The following SSC4D variants were observed in gnomAD, a reference collection of about 807,000 sequenced individuals.
SSC4D encodes scavenger receptor cysteine rich family member with 4 domains.
Under a neutral mutation model 63.4 loss-of-function variants are expected in SSC4D, and 57 were observed. The ratio of observed to expected loss-of-function variants is 0.90; its 90% CI spans 0.73 to 1.12. The LOEUF (loss-of-function observed/expected upper bound fraction) is 1.12. SSC4D is among the 50% of genes most tolerant of loss of function. The pLI, the probability that SSC4D is intolerant of heterozygous loss-of-function variation, is 0.00. For missense variants in SSC4D, 791 were observed against 806.4 expected (o/e 0.98, Z 0.23); for synonymous variants, 352 against 345.4 (o/e 1.02, Z -0.21).
rs372743563 is a variant in SSC4D at position 76,393,390 on chromosome 7, C to G, written c.1333+15G>C. 5 of 1,368,288 alleles carry G rather than the reference C, an allele frequency of 3.7e-6. No individual in the cohort carries two copies. Among genetic ancestry groups the G allele is most frequent in the Admixed American group, 3.3e-5 (1 of 30,090 alleles). 84.8% of individuals were successfully genotyped at this position (1,368,288 alleles called of 1,614,324 possible). A position where few individuals can be genotyped will look rare whatever the true frequency, so the allele number is the denominator to read the frequency against. On this transcript the variant is annotated intron_variant, in intron 9 of 10. Coordinates refer to ENST00000275560, the MANE Select transcript of SSC4D (RefSeq NM_080744.2). ...GCGGCCCCGCTGTCAGCCTCACCTTCGCTGTCAGCCTCACCTGCGCAGAGC... is the reference window on the plus strand; with the variant it reads ...GCGGCCCCGCTGTCAGCCTCACCTTGGCTGTCAGCCTCACCTGCGCAGAGC...
At chr7:76,405,339 C>CTTTT (rs1193527373) in intron 1 of SSC4D, among the ~76,000 whole-genome samples, 4 of 21,392 alleles carry the variant, frequency 1.9e-4, no homozygotes, top group South Asian at 2.3e-3. Flanking sequence ...TTCTTTCTTT[C>CTTTT]TTTTTTTTTT....
At chr7:76,402,494 T>G (rs1190679764) in intron 2 of SSC4D, among the ~76,000 whole-genome samples, 1 of 151,440 alleles carries the variant, frequency 6.6e-6, no homozygotes, top group Non-Finnish European at 1.5e-5. Context: ...ATTTTTTAAT[T>G]TTTTGTAGAG....
chr7:76,392,797 GA>G (rs1205333808), intron 9 of SSC4D, among the ~76,000 whole-genome samples: 196 of 139,138 alleles, frequency 1.4e-3, no homozygotes, highest in Non-Finnish European at 1.6e-3. Context: ...TGTCTCAAAA[GA>G]AAAAAAAAAA....
chr7:76,407,176 G>A (rs6958621), intron 1 of SSC4D, among the ~76,000 whole-genome samples: 64,255 of 151,816 alleles, frequency 0.42, 13,795 homozygotes, highest in South Asian at 0.53. Context: ...GACCTGGCTG[G>A]TCTGGAACTC....
intron 10 of SSC4D, among the ~76,000 whole-genome samples, chr7:76,391,584 ACCCCAGC>A (rs1804495551): frequency 6.6e-6 from 1 of 151,872 alleles, no homozygotes; most frequent in South Asian, 2.1e-4. Context: ...TAATCCCAGT[ACCCCAGC>A]CCCAGGCCGG....
intron 7 of SSC4D, among the ~76,000 whole-genome samples, chr7:76,394,799 A>T (rs1328144364): frequency 1.5e-4 from 15 of 99,852 alleles, no homozygotes; most frequent in South Asian, 1.0e-3. Flanking sequence ...GATATATATA[A>T]ATATATAAAA....
At chr7:76,403,957 C>T (rs1409165307) in intron 2 of SSC4D, among the ~76,000 whole-genome samples, 2 of 152,110 alleles carry the variant, frequency 1.3e-5, no homozygotes, top group African/African-American at 2.4e-5. Context: ...GTCACCGAGC[C>T]CGGCCTTCTT....
chr7:76,397,565 C>T lies in SSC4D; in HGVS notation c.821G>A (p.Gly274Asp). Residue 274 changes from glycine (G) to aspartate (D), a missense_variant, in exon 6 of 11, where the codon GGT (glycine) becomes GAT (aspartate). Coordinates refer to ENST00000275560, the MANE Select transcript of SSC4D (RefSeq NM_080744.2). ...RLAACQSLGW[G>D]VHNCGHHEDA... ...CTCGTGGTGGCCGCAGTTGTGCACACCCCAGCCCAGGCTCTGGCAGGCTGC... is the reference window on the plus strand; with the variant it reads ...CTCGTGGTGGCCGCAGTTGTGCACATCCCAGCCCAGGCTCTGGCAGGCTGC... 1 of 1,605,700 alleles carries T rather than the reference C, an allele frequency of 6.2e-7. No individual in the cohort carries two copies.
intron 6 of SSC4D, 92 bp downstream of exon 6, chr7:76,397,426 A>G: frequency 1.4e-6 from 2 of 1,399,548 alleles, no homozygotes; most frequent in East Asian, 2.6e-5. Context: ...CACCCTCCCC[A>G]TCCACCTCCC....
chr7:76,404,349 A>G lies in SSC4D; in HGVS notation c.91T>C (p.Phe31Leu). The change falls in exon 2 of 11, where the codon TTC (phenylalanine) becomes CTC (leucine). Residue 31 changes from phenylalanine to leucine, a missense_variant. Physicochemically the swap from Phe to Leu is conservative, Grantham distance 22 (BLOSUM62 0). Transcript: ENST00000275560. ...AGGAAAGACAGGGCTTGGGGGAGGA[A>G]GGGAGGGGCAGCACTCCCATCTCCC... ...RLGDGSAAPP[F>L]LPQALSFLLL... The G allele has an allele frequency of 6.2e-7, 1 of 1,612,782 alleles. No homozygotes were observed. Among genetic ancestry groups the G allele is most frequent in the Non-Finnish European group, 8.5e-7 (1 of 1,179,430 alleles).
At chr7:76,392,233 C>T (rs771625582) in intron 9 of SSC4D, among the ~76,000 whole-genome samples, 192 bp from the exon 10 acceptor site, 2 of 152,108 alleles carry the variant, frequency 1.3e-5, no homozygotes, top group Non-Finnish European at 2.9e-5. Flanking sequence ...GTGGCTCACA[C>T]CTGTAGTCCC....
rs1016665238 is a variant in SSC4D at position 76,401,091 on chromosome 7, C to T, written c.134-48G>A. On this transcript the variant is annotated intron_variant, in intron 2 of 10. Transcript: ENST00000275560. ...ATTGGCCCCTCTGCCCACACCATGG[C>T]TCCCTGGTCCCAGGAACACACCCCC... The T allele has an allele frequency of 4.0e-6, 6 of 1,496,030 alleles. No individual in the cohort carries two copies. In the African/African-American group the frequency reaches 8.5e-5, roughly 21 times the overall value. The allele number at this position is 1,496,030 out of a possible 1,614,324, so 92.7% of individuals were successfully genotyped here.
intron 7 of SSC4D, among the ~76,000 whole-genome samples, chr7:76,394,276 G>C (rs556352933): frequency 6.6e-6 from 1 of 152,010 alleles, no homozygotes; most frequent in African/African-American, 2.4e-5. Flanking sequence ...ACAGGGTCTT[G>C]CTCTGTCGCC....
In SSC4D at chr7:76,392,092, T is replaced by C. The variant is rs369809639; in HGVS notation, c.1334-51A>G. 128 of 1,537,146 alleles carry C rather than the reference T, an allele frequency of 8.3e-5. 1 individual carries two copies. In the African/African-American group the frequency reaches 1.4e-3, roughly 17 times the overall value. Reference sequence around the variant, plus strand: ...GAGGTGGCTCTCACAATGGGAAGCATGTTCCTTAGGGCCAGGTCCCCTCCT... The same window carrying C: ...GAGGTGGCTCTCACAATGGGAAGCACGTTCCTTAGGGCCAGGTCCCCTCCT... On this transcript the variant is annotated intron_variant, in intron 9 of 10. Transcript: ENST00000275560.
Position 76,397,619 on chromosome 7 carries a change from A to C in SSC4D, c.767T>G (p.Val256Gly), listed in dbSNP as rs201010357. The change falls in exon 6 of 11, where the codon GTG becomes GGG. Residue 256 changes from valine to glycine, a missense_variant. Transcript: ENST00000275560. ...YGTGHILLDNVHCEGGEPRLA... is the reference protein window; with the variant it reads ...YGTGHILLDNGHCEGGEPRLA... ...GCGGGGCTCGCCGCCTTCGCAGTGC[A>C]CGTTGTCCAGCAGGATGTGTCCGGT... 8 of 1,613,024 alleles carry C rather than the reference A, an allele frequency of 5.0e-6. No homozygotes were observed. In the Admixed American group the frequency reaches 1.3e-4, roughly 27 times the overall value.
At chr7:76,406,953 A>ATTAT (rs145911585) in intron 1 of SSC4D, among the ~76,000 whole-genome samples, 4,269 of 151,578 alleles carry the variant, frequency 0.028, 188 homozygotes, top group African/African-American at 0.095. Context: ...TCTGATTTAA[A>ATTAT]TTATTTATTT....
chr7:76,399,887 C>G (rs947200117), intron 4 of SSC4D, among the ~76,000 whole-genome samples: 3 of 152,116 alleles, frequency 2.0e-5, no homozygotes, highest in Non-Finnish European at 4.4e-5. Flanking sequence ...GTAGTTCCAG[C>G]TACTGAGGCG....
intron 1 of SSC4D, 96 bp from the exon 2 acceptor site, chr7:76,404,601 G>T: frequency 2.0e-6 from 2 of 986,600 alleles, no homozygotes; most frequent in Non-Finnish European, 3.0e-6. Context: ...AGATCAGCCT[G>T]GGCAACATAG....
chr7:76,389,915 G>T lies in SSC4D; in HGVS notation c.*144C>A. Reference sequence around the variant, plus strand: ...GGTACAGCCAGGCTCCCCCAAGCAGGACTGCACTGTCTAGGTAGGCTCTCT... The same window carrying T: ...GGTACAGCCAGGCTCCCCCAAGCAGTACTGCACTGTCTAGGTAGGCTCTCT... On this transcript the variant is annotated 3_prime_UTR_variant, in exon 11 of 11. Coordinates refer to ENST00000275560, the MANE Select transcript of SSC4D (RefSeq NM_080744.2). 1 of 1,053,170 alleles carries T rather than the reference G, an allele frequency of 9.5e-7. No individual in the cohort carries two copies. Among genetic ancestry groups the T allele is most frequent in the Non-Finnish European group, 1.4e-6 (1 of 722,806 alleles). The allele number at this position is 1,053,170 out of a possible 1,614,324, so 65.2% of individuals were successfully genotyped here. A position where few individuals can be genotyped will look rare whatever the true frequency, so the allele number is the denominator to read the frequency against.
Sources: gnomAD v4.1 joint callset for allele counts (sites outside exome capture counted in the v4.1 genomes callset) on GRCh38, gnomAD v4.1.1 for gene constraint, MANE v1.5 for transcripts, NCBI Gene and HGNC (gene_info 2026-07-23, HGNC 2026-07-21) for gene names.